YIPF1: variants seen among roughly 807,000 people sequenced by gnomAD.
YIPF1 encodes the protein Yip1 domain family member 1, also known as protein YIPF1.
Under a neutral mutation model 37.0 loss-of-function variants are expected in YIPF1, and 22 were observed. That is an observed-to-expected ratio of 0.59 (90% CI 0.42 to 0.85). The LOEUF (loss-of-function observed/expected upper bound fraction) is 0.85. Ranked by LOEUF, YIPF1 falls within the 40% of genes least tolerant of loss-of-function variation. The pLI is 0.00. For synonymous variants in YIPF1, 128 were observed against 131.9 expected (o/e 0.97, Z 0.21); for missense variants, 355 against 373.1 (o/e 0.95, Z 0.40).
At chr1:53,859,913 A>G in intron 10 of YIPF1, 143 bp downstream of exon 10, 1 of 689,498 alleles carries the variant, frequency 1.5e-6, no homozygotes. Flanking sequence ...AAACACAGAC[A>G]TGCACATGCA....
chr1:53,858,184 T>C (rs1269859766), intron 10 of YIPF1, among the ~76,000 whole-genome samples: 1 of 152,012 alleles, frequency 6.6e-6, no homozygotes, highest in Non-Finnish European at 1.5e-5. Context: ...CGCATACCCA[T>C]GAGAAGAGAG....
At chr1:53,868,650 A>C (rs1033978452) in intron 7 of YIPF1, among the ~76,000 whole-genome samples, 1 of 152,356 alleles carries the variant, frequency 6.6e-6, no homozygotes, top group East Asian at 1.9e-4. Flanking sequence ...TCAAGGTCAC[A>C]TAATTAACAA....
chr1:53,887,868 G>T (rs1452084414), intron 3 of YIPF1, among the ~76,000 whole-genome samples: 3 of 152,132 alleles, frequency 2.0e-5, no homozygotes, highest in African/African-American at 7.2e-5. Flanking sequence ...GTTGACATAA[G>T]GATTATCTGT....
At chr1:53,879,512 A>C (rs1176653375) in intron 4 of YIPF1, among the ~76,000 whole-genome samples, 2 of 51,546 alleles carry the variant, frequency 3.9e-5, no homozygotes, top group Non-Finnish European at 7.7e-5. Context: ...CTACTCTGAC[A>C]AAAAAAAAAA....
intron 9 of YIPF1, 122 bp downstream of exon 9, chr1:53,866,078 G>A: frequency 1.6e-6 from 2 of 1,274,212 alleles, no homozygotes; most frequent in Non-Finnish European, 2.1e-6. Flanking sequence ...GGGATTATGG[G>A]TGTGAGCCAA....
intron 7 of YIPF1, among the ~76,000 whole-genome samples, chr1:53,868,348 T>C (rs7526676): frequency 0.44 from 66,703 of 151,900 alleles, 15,625 homozygotes; most frequent in African/African-American, 0.61. Context: ...TGGGTTCTAG[T>C]TCTAGGAAAA....
chr1:53,854,439 C>A (rs141347751), intron 10 of YIPF1, among the ~76,000 whole-genome samples: 1 of 152,300 alleles, frequency 6.6e-6, no homozygotes, highest in Non-Finnish European at 1.5e-5. Context: ...AAGATTGCCT[C>A]TACCACCTCT....
chr1:53,861,242 A>C lies in YIPF1; in HGVS notation c.832-1089T>G, dbSNP rs574738207. Among the ~76,000 whole-genome samples the C allele has an allele frequency of 3.3e-5, 5 of 152,272 alleles. No homozygotes were observed. The South Asian group carries it at 1.0e-3, about 32-fold the overall frequency. ...CTTCCTCCTTAGGAACCCTTCCAGC[A>C]GCTGTTTTCTGGGGCAAGGAAAGAA... On this transcript the variant is annotated intron_variant, in intron 9 of 10. Coordinates refer to ENST00000072644, the MANE Select transcript of YIPF1 (RefSeq NM_018982.5).
chr1:53,877,935 G>A (rs981575834), intron 6 of YIPF1, among the ~76,000 whole-genome samples: 66 of 151,948 alleles, frequency 4.3e-4, no homozygotes, highest in East Asian at 3.9e-4. Context: ...GATTACAGGC[G>A]GCAGCCACTG....
intron 6 of YIPF1, among the ~76,000 whole-genome samples, chr1:53,875,499 AG>A (rs1253725834): frequency 6.6e-6 from 1 of 152,230 alleles, no homozygotes; most frequent in Non-Finnish European, 1.5e-5. Context: ...CCTGGGCAAC[AG>A]AGCAAGACCC....
At chr1:53,877,924 G>A (rs1423339459) in intron 6 of YIPF1, among the ~76,000 whole-genome samples, 1 of 152,132 alleles carries the variant, frequency 6.6e-6, no homozygotes, top group African/African-American at 2.4e-5. Flanking sequence ...CAAAGTGTTG[G>A]GATTACAGGC....
Position 53,871,503 on chromosome 1 carries a change from A to G in YIPF1, c.365-15T>C. 1 of 1,583,410 alleles carries G rather than the reference A, an allele frequency of 6.3e-7. No homozygotes were observed. Among genetic ancestry groups the G allele is most frequent in the Non-Finnish European group, 8.7e-7 (1 of 1,154,844 alleles). ...CCAAAAGGGGCCTGCAAAGGAAACCAGAAAATTCAGAAACAAGAAAATGAA... is the reference window on the plus strand; with the variant it reads ...CCAAAAGGGGCCTGCAAAGGAAACCGGAAAATTCAGAAACAAGAAAATGAA... On this transcript the variant is annotated splice_polypyrimidine_tract_variant and intron_variant, in intron 6 of 10. Transcript: ENST00000072644.
chr1:53,879,652 G>C (rs1022310747), intron 4 of YIPF1, among the ~76,000 whole-genome samples: 2 of 152,188 alleles, frequency 1.3e-5, no homozygotes, highest in Non-Finnish European at 2.9e-5. Context: ...AATTCATACA[G>C]CAAAAAGTAC....
At chr1:53,885,099 T>C (rs1050314460) in intron 3 of YIPF1, among the ~76,000 whole-genome samples, 4 of 152,222 alleles carry the variant, frequency 2.6e-5, no homozygotes, top group Admixed American at 2.0e-4. Context: ...AGTAGCTCCA[T>C]GACCTTGAGC....
intron 4 of YIPF1, among the ~76,000 whole-genome samples, chr1:53,878,932 G>C (rs1382430763): frequency 2.6e-5 from 4 of 152,070 alleles, no homozygotes; most frequent in East Asian, 1.9e-4. Context: ...ACACCAAAAG[G>C]GTTCAAATCC....
chr1:53,880,721 C>A (rs545346306), intron 4 of YIPF1, among the ~76,000 whole-genome samples: 4 of 152,094 alleles, frequency 2.6e-5, no homozygotes, highest in Non-Finnish European at 5.9e-5. Flanking sequence ...GACACATAGA[C>A]CAATGAAACA....
chr1:53,889,094 G>A (rs1162430625), intron 2 of YIPF1, 108 bp from the exon 3 acceptor site: 1 of 564,730 alleles, frequency 1.8e-6, no homozygotes, highest in South Asian at 2.5e-5. Context: ...CCTTTTCAGT[G>A]GGGTTTAATA....
At chr1:53,854,734 C>T (rs187358333) in intron 10 of YIPF1, among the ~76,000 whole-genome samples, 62 of 152,290 alleles carry the variant, frequency 4.1e-4, no homozygotes, top group African/African-American at 1.3e-3. Flanking sequence ...CAGAGTAGAA[C>T]TTCAATGAAT....
intron 7 of YIPF1, 87 bp downstream of exon 7, chr1:53,871,285 A>C: frequency 8.7e-7 from 1 of 1,146,836 alleles, no homozygotes; most frequent in Admixed American, 1.8e-5. Flanking sequence ...TGCAGCATCT[A>C]GAGATGGGGC....
Sources: gnomAD v4.1 joint callset for allele counts (sites outside exome capture counted in the v4.1 genomes callset) on GRCh38, gnomAD v4.1.1 for gene constraint, MANE v1.5 for transcripts, NCBI Gene and HGNC (gene_info 2026-07-23, HGNC 2026-07-21) for gene names.